Variants in LOC114841035 observed in about 807,000 individuals in gnomAD.
chr11:64,242,139 TG>T, the LOC114841035 span: 1 of 446,440 alleles, frequency 2.2e-6, no homozygotes, highest in South Asian at 3.5e-5. Context: ...GGCGGGTCCC[TG>T]GCTGCTGTGG....
chr11:64,243,773 C>T, the LOC114841035 span: 1 of 1,588,274 alleles, frequency 6.3e-7, no homozygotes, highest in Non-Finnish European at 8.6e-7. Flanking sequence ...GGGCGGAACA[C>T]TCTCCCTTTG....
At chr11:64,242,688 T>G in the LOC114841035 span, 1 of 1,021,174 alleles carries the variant, frequency 9.8e-7, no homozygotes, top group Non-Finnish European at 1.4e-6. Flanking sequence ...TAAGCCAGTT[T>G]CCATGGTTCT....
At chr11:64,243,826 G>A in the LOC114841035 span, 1 of 1,613,812 alleles carries the variant, frequency 6.2e-7, no homozygotes. Context: ...CTGTTTCTTT[G>A]TGCATCTTCA....
At chr11:64,242,102 G>A in the LOC114841035 span, 9 of 361,818 alleles carry the variant, frequency 2.5e-5, no homozygotes, top group Non-Finnish European at 4.0e-5. Flanking sequence ...GACTGGGAGG[G>A]AGGGAAGGTA....
the LOC114841035 span, chr11:64,243,904 A>G: frequency 6.2e-7 from 1 of 1,613,836 alleles, no homozygotes; most frequent in East Asian, 2.2e-5. Context: ...ACCTCCCATC[A>G]CCTGCAGCCA....
At chr11:64,243,813 T>C in the LOC114841035 span, 23 of 1,613,832 alleles carry the variant, frequency 1.4e-5, no homozygotes, top group South Asian at 1.9e-4. Flanking sequence ...TGGCCATCAC[T>C]GACTGTTTCT....
chr11:64,243,459 A>T, the LOC114841035 span: 1 of 1,613,960 alleles, frequency 6.2e-7, no homozygotes, highest in Non-Finnish European at 8.5e-7. Flanking sequence ...AGGATGTGTG[A>T]GGGGGAAAAG....
chr11:64,242,399 C>T, the LOC114841035 span: 1 of 1,540,018 alleles, frequency 6.5e-7, no homozygotes, highest in East Asian at 2.5e-5. Context: ...TGAGGCTGAG[C>T]TGGTTCCGGG....
the LOC114841035 span, chr11:64,244,083 A>G: frequency 7.2e-7 from 1 of 1,388,628 alleles, no homozygotes. Context: ...AGACTGTTCC[A>G]AAAAAAAAAC....
chr11:64,242,530 A>G, the LOC114841035 span: 6 of 1,553,062 alleles, frequency 3.9e-6, no homozygotes, highest in Non-Finnish European at 4.3e-6. Context: ...AAATCGCGCA[A>G]AGGGGATGTC....
At chr11:64,243,058 A>T in the LOC114841035 span, 1 of 695,852 alleles carries the variant, frequency 1.4e-6, no homozygotes, top group South Asian at 1.7e-5. Flanking sequence ...GGCAACAGAG[A>T]CTCCATCTCA....
the LOC114841035 span, chr11:64,242,115 G>C: frequency 9.6e-6 from 4 of 415,876 alleles, no homozygotes; most frequent in Non-Finnish European, 1.7e-5. Context: ...GGAAGGTATG[G>C]GGGTGAGCAA....
the LOC114841035 span, chr11:64,243,764 G>C: frequency 1.3e-5 from 20 of 1,580,498 alleles, no homozygotes; most frequent in African/African-American, 2.2e-4. Flanking sequence ...TGCTGAGAGG[G>C]GCGGAACACT....
chr11:64,244,059 C>T, the LOC114841035 span: 1 of 1,611,344 alleles, frequency 6.2e-7, no homozygotes, highest in South Asian at 1.1e-5. Context: ...GGGGAGAGGC[C>T]CCCATCAGGG....
chr11:64,243,552 G>A, the LOC114841035 span: 2 of 1,594,650 alleles, frequency 1.3e-6, no homozygotes, highest in Admixed American at 1.7e-5. Context: ...GACTGGGAAG[G>A]GTGAAAGCTG....
chr11:64,243,394 G>A, the LOC114841035 span: 8 of 1,611,204 alleles, frequency 5.0e-6, no homozygotes, highest in Non-Finnish European at 6.8e-6. Context: ...CAAGCCCCAG[G>A]GATACAAGAC....
At chr11:64,243,347 G>A in the LOC114841035 span, 4,290 of 1,598,006 alleles carry the variant, frequency 2.7e-3, 10 homozygotes, top group Non-Finnish European at 3.4e-3. Flanking sequence ...GAGTGGGGGC[G>A]TGCATGGCCA....
At chr11:64,244,058 C>G in the LOC114841035 span, 7 of 1,610,792 alleles carry the variant, frequency 4.3e-6, no homozygotes, top group Non-Finnish European at 5.9e-6. Flanking sequence ...GGGGGAGAGG[C>G]CCCCATCAGG....
chr11:64,242,267 A>ATC, the LOC114841035 span: 3 of 1,023,826 alleles, frequency 2.9e-6, no homozygotes, highest in Non-Finnish European at 4.0e-6. Context: ...GACAAAGGGG[A>ATC]TCCCCCGGGG....
Sources: allele counts gnomAD v4.1 joint callset, GRCh38; gene constraint gnomAD v4.1.1; transcripts MANE v1.5.